PEX7: variants seen among roughly 807,000 people sequenced by gnomAD.
PEX7 encodes PTS2 receptor.
A neutral mutation model predicts 47.5 loss-of-function variants in PEX7; 34 were observed. The ratio of observed to expected loss-of-function variants is 0.72; its 90% CI spans 0.54 to 0.95. PEX7 has a LOEUF of 0.95. Ranked by LOEUF, PEX7 falls within the 40% of genes least tolerant of loss-of-function variation. The pLI is 0.00. For missense variants in PEX7, 394 were observed against 400.3 expected (o/e 0.98, Z 0.13); for synonymous variants, 141 against 148.8 (o/e 0.95, Z 0.38).
chr6:136,913,328 T>A, intron 9 of PEX7, 130 bp from the exon 10 acceptor site: 1 of 717,382 alleles, frequency 1.4e-6, no homozygotes, highest in Non-Finnish European at 2.5e-6. Context: ...TAGCCCTATG[T>A]TTTCCCTATT....
chr6:136,900,528 CT>C lies in PEX7; in HGVS notation c.903+2289del. On this transcript the variant is annotated intron_variant, in intron 9 of 9. Coordinates refer to ENST00000318471, the MANE Select transcript of PEX7 (RefSeq NM_000288.4). This position sits in a 1 kb window ranked among gnomAD's most constrained non-coding sequence, Gnocchi z 4.2. Reference sequence around the variant, plus strand: ...AATTGGTCCTGATAGCTTCCACCATCTTAGCCAAAGCCCTTTTGTCTTCCGA... The same window carrying C: ...AATTGGTCCTGATAGCTTCCACCATCTAGCCAAAGCCCTTTTGTCTTCCGA... 1 of 469,808 alleles carries C rather than the reference CT, an allele frequency of 2.1e-6. No homozygotes were observed. The highest frequency in any genetic ancestry group is 2.2e-5 in the Admixed American group (1 of 45,638). The allele number at this position is 469,808 out of a possible 1,614,324, so 29.1% of individuals were successfully genotyped here. A position where few individuals can be genotyped will look rare whatever the true frequency, so the allele number is the denominator to read the frequency against.
chr6:136,843,226 G>T (rs1453661683), intron 3 of PEX7, among the ~76,000 whole-genome samples: 3 of 152,102 alleles, frequency 2.0e-5, no homozygotes, highest in Admixed American at 6.5e-5. Flanking sequence ...ACCTCTCTGG[G>T]CCTTGATATA....
chr6:136,889,272 A>C (rs1184942966), intron 8 of PEX7, among the ~76,000 whole-genome samples: 1 of 152,220 alleles, frequency 6.6e-6, no homozygotes, highest in African/African-American at 2.4e-5. Context: ...GATGAAAATG[A>C]AAATAATTTC....
chr6:136,866,718 G>C lies in PEX7; in HGVS notation c.618G>C (p.Trp206Cys). Residue 206 changes from tryptophan (W) to cysteine (C), a missense_variant, in exon 6 of 10, where the codon TGG becomes TGC. Coordinates refer to ENST00000318471, the MANE Select transcript of PEX7 (RefSeq NM_000288.4). ...AGGCAGAAATCTTGAGTTGTGACTGGTGTAAATACAATGAGGTATAGTGTA... is the reference window on the plus strand; with the variant it reads ...AGGCAGAAATCTTGAGTTGTGACTGCTGTAAATACAATGAGGTATAGTGTA... ...AHQAEILSCD[W>C]CKYNENLLVT... The C allele has an allele frequency of 1.9e-6, 3 of 1,613,554 alleles. No homozygotes were observed. Among genetic ancestry groups the C allele is most frequent in the Non-Finnish European group, 2.5e-6 (3 of 1,179,558 alleles).
At chr6:136,911,087 A>G (rs1344181773) in intron 9 of PEX7, among the ~76,000 whole-genome samples, 1 of 152,118 alleles carries the variant, frequency 6.6e-6, no homozygotes, top group South Asian at 2.1e-4. Flanking sequence ...CATCCCAGTT[A>G]TTGGAAACTG....
intron 2 of PEX7, among the ~76,000 whole-genome samples, chr6:136,825,538 A>T (rs558512234): frequency 6.8e-6 from 1 of 146,846 alleles, no homozygotes; most frequent in East Asian, 2.0e-4. Context: ...TCTAAAAGAA[A>T]TTTTTTTTTT....
rs1211999104 is a variant in PEX7, at chr6:136,900,934, A to C, written c.903+2693A>C. The stretch of plus-strand genomic sequence containing the variant: ...GGGCCTGGGTGAACTGGTTCATCAC[A>C]GGAGGCACTTTTAGGCTCTTGTAGA... On this transcript the variant is annotated intron_variant, in intron 9 of 9. Coordinates refer to ENST00000318471, the MANE Select transcript of PEX7 (RefSeq NM_000288.4). The surrounding 1 kb of genome is among the most constrained non-coding windows in gnomAD (Gnocchi z 4.2). The C allele has an allele frequency of 8.9e-6, 2 of 224,826 alleles. No individual in the cohort carries two copies. Among genetic ancestry groups the C allele is most frequent in the Non-Finnish European group, 8.9e-6 (1 of 112,396 alleles). 13.9% of individuals were successfully genotyped at this position (224,826 alleles called of 1,614,324 possible). A position where few individuals can be genotyped will look rare whatever the true frequency, so the allele number is the denominator to read the frequency against.
At chr6:136,899,664 G>A (rs530191155) in intron 9 of PEX7, among the ~76,000 whole-genome samples, 1 of 152,312 alleles carries the variant, frequency 6.6e-6, no homozygotes, top group South Asian at 2.1e-4. Context: ...ACAGGCATGA[G>A]CTCTCAGCCT....
In PEX7 at chr6:136,862,787, A is replaced by G. The variant is rs371078100; in HGVS notation, c.527-3840A>G. Among the ~76,000 whole-genome samples the G allele has an allele frequency of 6.1e-4, 93 of 152,320 alleles. 2 individuals carry two copies. Among genetic ancestry groups the G allele is most frequent in the African/African-American group, 2.2e-3 (92 of 41,574 alleles). ...CCTTTGACCTTTCAGCTGTAGTCAA[A>G]GCAGGGAATGAGGTACTGTGGTTGG... On this transcript the variant is annotated intron_variant, in intron 5 of 9. Transcript: ENST00000318471.
At chr6:136,826,173 C>G in intron 2 of PEX7, 146 bp from the exon 3 acceptor site, 1 of 860,452 alleles carries the variant, frequency 1.2e-6, no homozygotes, top group South Asian at 1.4e-5. Context: ...CTACTTAACT[C>G]CCGTAGTTGT....
intron 6 of PEX7, 68 bp from the exon 7 acceptor site, chr6:136,869,822 G>C: frequency 1.8e-6 from 2 of 1,135,496 alleles, no homozygotes; most frequent in South Asian, 1.2e-5. Context: ...GTTGTTTCTA[G>C]TAGGAAAGCC....
At position 136,822,822 on chromosome 6, in the gene PEX7, CGGGGGGCGGAGGCGGAGGCG is replaced by C. The variant is rs1554328334; in HGVS notation, c.130+32_130+51del. ...TGAGGCGGCGCCGCGCAGCTGGGGCCGGGGGGCGGAGGCGGAGGCGGGGGCCAGCCGGGCTCCAGTTCCTC... is the reference window on the plus strand; with the variant it reads ...TGAGGCGGCGCCGCGCAGCTGGGGCCGGGGCCAGCCGGGCTCCAGTTCCTC... On this transcript the variant is annotated intron_variant, in intron 1 of 9. Coordinates refer to ENST00000318471, the MANE Select transcript of PEX7 (RefSeq NM_000288.4). 1 of 1,230,162 alleles carries C rather than the reference CGGGGGGCGGAGGCGGAGGCG, an allele frequency of 8.1e-7. No homozygotes were observed. The highest frequency in any genetic ancestry group is 1.0e-6 in the Non-Finnish European group (1 of 992,642). 76.2% of individuals were successfully genotyped at this position (1,230,162 alleles called of 1,614,324 possible).
In PEX7 at chr6:136,822,630, C is replaced by T; in HGVS notation, c.-36C>T. The T allele has an allele frequency of 2.0e-6, 3 of 1,516,574 alleles. No homozygotes were observed. The highest frequency in any genetic ancestry group is 1.4e-5 in the African/African-American group (1 of 71,814). 93.9% of individuals were successfully genotyped at this position (1,516,574 alleles called of 1,614,324 possible). On this transcript the variant is annotated 5_prime_UTR_variant, in exon 1 of 10. Coordinates refer to ENST00000318471, the MANE Select transcript of PEX7 (RefSeq NM_000288.4). ...TGCCTCCGACTCGGAACGGCTTCCGCGGCCGGGGCAGCGAGGGCCGGGGGC... is the reference window on the plus strand; with the variant it reads ...TGCCTCCGACTCGGAACGGCTTCCGTGGCCGGGGCAGCGAGGGCCGGGGGC...
intron 9 of PEX7, 96 bp from the exon 10 acceptor site, chr6:136,913,362 G>A: frequency 1.2e-6 from 1 of 825,316 alleles, no homozygotes; most frequent in Non-Finnish European, 2.1e-6. Flanking sequence ...ACTAGTGGAT[G>A]ATTTACGACA....
chr6:136,822,822 C>G (rs1311242571), intron 1 of PEX7, 27 bp downstream of exon 1: 1 of 1,230,166 alleles, frequency 8.1e-7, no homozygotes, highest in Non-Finnish European at 1.0e-6. Flanking sequence ...CAGCTGGGGC[C>G]GGGGGGCGGA....
chr6:136,859,643 C>G (rs989704937), intron 5 of PEX7, among the ~76,000 whole-genome samples: 1 of 152,100 alleles, frequency 6.6e-6, no homozygotes, highest in African/African-American at 2.4e-5. Flanking sequence ...CACTCATTCT[C>G]CTTATGCAAC....
chr6:136,900,491 G>A lies in PEX7; in HGVS notation c.903+2250G>A, dbSNP rs1775734935. 1.9e-5 allele frequency: 9 copies of A among 479,814 alleles called. No homozygotes were observed. The highest frequency in any genetic ancestry group is 1.4e-4 in the South Asian group (9 of 65,604). 29.7% of individuals were successfully genotyped at this position (479,814 alleles called of 1,614,324 possible). ...CCCCAGTGACAGCAGATCTCATCGT[G>A]TCTGTCATTGTAATTGGTCCTGATA... On this transcript the variant is annotated intron_variant, in intron 9 of 9. Coordinates refer to ENST00000318471, the MANE Select transcript of PEX7 (RefSeq NM_000288.4). This position sits in a 1 kb window ranked among gnomAD's most constrained non-coding sequence, Gnocchi z 4.2.
At chr6:136,829,515 A>G (rs1256617821) in intron 3 of PEX7, among the ~76,000 whole-genome samples, 1 of 152,196 alleles carries the variant, frequency 6.6e-6, no homozygotes, top group Admixed American at 6.5e-5. Context: ...CTGGGGGGTT[A>G]AGATTTCAAC....
At position 136,822,654 on chromosome 6, in the gene PEX7, G is replaced by A. The variant is rs1272926177; in HGVS notation, c.-12G>A. 2.6e-6 allele frequency: 4 copies of A among 1,526,084 alleles called. No homozygotes were observed. In the East Asian group the frequency reaches 7.5e-5, roughly 28 times the overall value. 94.5% of individuals were successfully genotyped at this position (1,526,084 alleles called of 1,614,324 possible). On this transcript the variant is annotated 5_prime_UTR_variant, in exon 1 of 10. Coordinates refer to ENST00000318471, the MANE Select transcript of PEX7 (RefSeq NM_000288.4). ...GCGGCCGGGGCAGCGAGGGCCGGGGGCGGCGGGCGGGATGAGTGCGGTGTG... is the reference window on the plus strand; with the variant it reads ...GCGGCCGGGGCAGCGAGGGCCGGGGACGGCGGGCGGGATGAGTGCGGTGTG...
Sources: allele counts gnomAD v4.1 joint callset (sites outside exome capture counted in the v4.1 genomes callset), GRCh38; gene constraint gnomAD v4.1.1; non-coding constraint Gnocchi (gnomAD v3.1); transcripts MANE v1.5; gene names NCBI Gene and HGNC (gene_info 2026-07-23, HGNC 2026-07-21).